Variants in VPS13A observed in about 807,000 individuals in gnomAD.
VPS13A encodes the protein intermembrane lipid transfer protein VPS13A.
VPS13A carries 264 observed loss-of-function variants against 390.9 expected under a neutral mutation model. The ratio of observed to expected loss-of-function variants is 0.68; its 90% CI spans 0.61 to 0.75. The LOEUF is 0.75. VPS13A is among the 30% of genes least tolerant of loss of function. The pLI, the probability that VPS13A is intolerant of heterozygous loss-of-function variation, is 0.00. For missense variants in VPS13A, 3,409 were observed against 3,733.9 expected (o/e 0.91, Z 2.27); for synonymous variants, 1,231 against 1,227.1 (o/e 1.00, Z -0.07).
intron 71 of VPS13A, among the ~76,000 whole-genome samples, chr9:77,411,959 T>C (rs997742046): frequency 2.0e-5 from 3 of 152,078 alleles, no homozygotes; most frequent in Non-Finnish European, 4.4e-5. Flanking sequence ...GAGAATGCTA[T>C]AAACACCTCT....
intron 67 of VPS13A, among the ~76,000 whole-genome samples, chr9:77,378,740 G>T (rs375609875): frequency 6.6e-6 from 1 of 151,040 alleles, no homozygotes; most frequent in African/African-American, 2.4e-5. Flanking sequence ...GCTAGCTTTG[G>T]GATTAGTTTG....
At chr9:77,257,007 G>A (rs543180200) in intron 22 of VPS13A, among the ~76,000 whole-genome samples, 9 of 151,970 alleles carry the variant, frequency 5.9e-5, no homozygotes, top group African/African-American at 2.2e-4. Flanking sequence ...AATACAGATG[G>A]GGAGGACTTA....
chr9:77,343,895 G>C (rs1830984393), intron 50 of VPS13A, among the ~76,000 whole-genome samples: 1 of 152,084 alleles, frequency 6.6e-6, no homozygotes, highest in African/African-American at 2.4e-5. Flanking sequence ...CCACATTAAA[G>C]TCTCTTTTCT....
At chr9:77,306,406 G>GTGTGTT (rs1554885517) in intron 34 of VPS13A, among the ~76,000 whole-genome samples, 6 of 127,256 alleles carry the variant, frequency 4.7e-5, no homozygotes, top group African/African-American at 6.1e-5. Context: ...GAGAGAGTGT[G>GTGTGTT]TGTGTGTTTG....
chr9:77,180,430 A>T (rs973475002), intron 1 of VPS13A, among the ~76,000 whole-genome samples: 5 of 152,200 alleles, frequency 3.3e-5, no homozygotes, highest in African/African-American at 1.2e-4. Context: ...TGCAGAGCAT[A>T]CATTTTTGAT....
At position 77,273,378 on chromosome 9, in the gene VPS13A, G is replaced by T; in HGVS notation, c.2512+14G>T. 2 of 1,577,914 alleles carry T rather than the reference G, an allele frequency of 1.3e-6. No individual in the cohort carries two copies. Among genetic ancestry groups the T allele is most frequent in the Non-Finnish European group, 1.7e-6 (2 of 1,156,200 alleles). The stretch of plus-strand genomic sequence containing the variant: ...TTTCTGAAGATGGTAAAATGAAACT[G>T]CTTAAGGATATTTTTCTTATTTTAT... On this transcript the variant is annotated intron_variant, in intron 24 of 71. Transcript: ENST00000360280.
intron 68 of VPS13A, among the ~76,000 whole-genome samples, chr9:77,390,828 G>T (rs1349440970): frequency 6.6e-6 from 1 of 151,856 alleles, no homozygotes; most frequent in East Asian, 1.9e-4. Flanking sequence ...ATAGACATGA[G>T]CCACTGCGTC....
chr9:77,251,836 C>A (rs1165164819), intron 21 of VPS13A, among the ~76,000 whole-genome samples: 2 of 152,010 alleles, frequency 1.3e-5, no homozygotes, highest in African/African-American at 4.8e-5. Context: ...ATTATAAATT[C>A]TTTTGAGTCT....
chr9:77,226,569 A>G lies in VPS13A; in HGVS notation c.1328A>G (p.Asn443Ser). ...TGGTCTTGGTCAGAACAAAATACTA[A>G]TGAACAGCAACCAGATGTTCAACCT... Reference protein sequence around the residue: ...WLWSWSEQNTNEQQPDVQPET... With the variant: ...WLWSWSEQNTSEQQPDVQPET... Residue 443 changes from asparagine (N) to serine (S), a missense_variant, in exon 15 of 72, where the codon AAT becomes AGT. Physicochemically the swap from Asn to Ser is conservative, Grantham distance 46. Around this residue, in one of 5 missense-constraint regions of VPS13A, gnomAD observed 2,717 missense variants for 2,917.4 expected, o/e 0.93. Coordinates refer to ENST00000360280, the MANE Select transcript of VPS13A (RefSeq NM_033305.3). 6.2e-7 allele frequency: 1 copy of G among 1,612,930 alleles called. No homozygotes were observed. The highest frequency in any genetic ancestry group is 8.5e-7 in the Non-Finnish European group (1 of 1,179,274).
chr9:77,309,817 C>T (rs1828964958), intron 35 of VPS13A, among the ~76,000 whole-genome samples: 1 of 151,300 alleles, frequency 6.6e-6, no homozygotes, highest in African/African-American at 2.4e-5. Context: ...TAAGATTCCA[C>T]ATACAAACAC....
intron 67 of VPS13A, 45 bp downstream of exon 67, chr9:77,371,194 A>G (rs375789773): frequency 6.2e-7 from 1 of 1,612,258 alleles, no homozygotes; most frequent in Non-Finnish European, 8.5e-7. Context: ...TGCTGAAGCC[A>G]TGAGAAATGG....
intron 59 of VPS13A, among the ~76,000 whole-genome samples, chr9:77,362,410 G>T (rs1832194755): frequency 6.6e-6 from 1 of 152,178 alleles, no homozygotes; most frequent in African/African-American, 2.4e-5. Flanking sequence ...TTTGTTCTTT[G>T]AATGGTCTTG....
At chr9:77,243,453 C>T (rs1254513986) in intron 19 of VPS13A, among the ~76,000 whole-genome samples, 1 of 152,104 alleles carries the variant, frequency 6.6e-6, no homozygotes, top group Non-Finnish European at 1.5e-5. Flanking sequence ...TTTTCCCCTT[C>T]CTTTCTAAGA....
Position 77,337,462 on chromosome 9 carries a change from A to T in VPS13A, c.6303A>T (p.Leu2101Phe), listed in dbSNP as rs889829115. 7 of 1,613,534 alleles carry T rather than the reference A, an allele frequency of 4.3e-6. No individual in the cohort carries two copies. The highest frequency in any genetic ancestry group is 5.9e-6 in the Non-Finnish European group (7 of 1,179,758). ...LSVYSEDGWD[L>F]PYIMHLWPPI... ...TGTATTCAGAAGATGGTTGGGATTT[A>T]CCATACATAATGCATTTGTGGCCAC... The change falls in exon 47 of 72, where the codon TTA becomes TTT. Residue 2101 changes from leucine to phenylalanine, a missense_variant. Coordinates refer to ENST00000360280, the MANE Select transcript of VPS13A (RefSeq NM_033305.3).
In VPS13A at chr9:77,370,191, C is replaced by T. The variant is rs538749319; in HGVS notation, c.8668-66C>T. 37 of 1,563,288 alleles carry T rather than the reference C, an allele frequency of 2.4e-5. 1 individual carries two copies. The South Asian group carries it at 3.9e-4, about 17-fold the overall frequency. ...TTACTACCTCTTTCGTCGTATATATCCGTAAGCTCATCTTTAAAAGTGAAT... is the reference window on the plus strand; with the variant it reads ...TTACTACCTCTTTCGTCGTATATATTCGTAAGCTCATCTTTAAAAGTGAAT... On this transcript the variant is annotated intron_variant, in intron 63 of 71. Transcript: ENST00000360280.
chr9:77,225,302 C>G (rs1382965963), intron 13 of VPS13A, among the ~76,000 whole-genome samples: 1 of 152,072 alleles, frequency 6.6e-6, no homozygotes, highest in Non-Finnish European at 1.5e-5. Flanking sequence ...CAGAGTCTTG[C>G]TTTGTCACTC....
intron 58 of VPS13A, among the ~76,000 whole-genome samples, chr9:77,360,263 A>G (rs1431247879): frequency 6.6e-6 from 1 of 152,138 alleles, no homozygotes; most frequent in African/African-American, 2.4e-5. Context: ...TGTTGTATGT[A>G]GCCATAGTTT....
intron 1 of VPS13A, among the ~76,000 whole-genome samples, chr9:77,191,574 C>T (rs986525058): frequency 1.3e-5 from 2 of 152,168 alleles, no homozygotes; most frequent in Non-Finnish European, 2.9e-5. Flanking sequence ...ACTGGGATTA[C>T]AGGCATGAGC....
At chr9:77,281,045 C>T (rs1269350729) in intron 27 of VPS13A, among the ~76,000 whole-genome samples, 4 of 151,976 alleles carry the variant, frequency 2.6e-5, no homozygotes, top group Non-Finnish European at 4.4e-5. Context: ...AAGACAAATA[C>T]CTCATGATCT....
Sources: gnomAD v4.1 joint callset for allele counts (sites outside exome capture counted in the v4.1 genomes callset) on GRCh38, gnomAD v4.1.1 for gene constraint, gnomAD v4.1.1 regional missense constraint, MANE v1.5 for transcripts, NCBI Gene and HGNC (gene_info 2026-07-23, HGNC 2026-07-21) for gene names.